SEM1: variants seen among roughly 807,000 people sequenced by gnomAD.
SEM1 encodes the protein 26S proteasome complex subunit SEM1.
A neutral mutation model predicts 12.7 loss-of-function variants in SEM1; 3 were observed. The ratio of observed to expected loss-of-function variants is 0.24; its 90% CI spans 0.11 to 0.61. The LOEUF (loss-of-function observed/expected upper bound fraction) is 0.61, where lower values mean the gene tolerates loss of function less well. SEM1 is among the 20% of genes least tolerant of loss of function. The probability of loss-of-function intolerance (pLI) is 0.88; values close to 1 mark genes in which losing one functional copy is unlikely to be tolerated. For missense variants in SEM1, 59 were observed against 81.3 expected (o/e 0.73, Z 1.06); for synonymous variants, 30 against 27.8 (o/e 1.08, Z -0.25).
At chr7:96,500,554 G>A (rs1280159834), upstream of SEM1, among the ~76,000 whole-genome samples, 2 of 152,108 alleles carry the variant, frequency 1.3e-5, no homozygotes, top group African/African-American at 4.8e-5. Context: ...CTGCACATAT[G>A]TGTCCACCTA....
chr7:96,502,357 C>T (rs776952961), intron 3 of SEM1, among the ~76,000 whole-genome samples: 11 of 152,016 alleles, frequency 7.2e-5, no homozygotes, highest in African/African-American at 9.7e-5. Flanking sequence ...TTAAACAAGG[C>T]CTTTGTTCAT....
chr7:96,694,277 T>C (rs1440179776), intron 2 of SEM1, among the ~76,000 whole-genome samples: 1 of 151,954 alleles, frequency 6.6e-6, no homozygotes, highest in Non-Finnish European at 1.5e-5. Flanking sequence ...GAGATGATGG[T>C]TGCACAATAT....
At chr7:96,675,467 T>G (rs1445084862) in intron 2 of SEM1, among the ~76,000 whole-genome samples, 1 of 152,174 alleles carries the variant, frequency 6.6e-6, no homozygotes, top group African/African-American at 2.4e-5. Flanking sequence ...GTATGGCAGC[T>G]ACAACTAGAT....
rs994035934 is a variant in SEM1, at chr7:96,698,195, TA to T, written c.77-3305del. On this transcript the variant is annotated intron_variant, in intron 1 of 2. Coordinates refer to ENST00000248566, the MANE Select transcript of SEM1 (RefSeq NM_006304.2). The stretch of plus-strand genomic sequence containing the variant: ...AAACCCAATTATTTTCATCAACAAT[TA>T]AAAAAAATATAAGTCTGGCAGAATG... Among the ~76,000 whole-genome samples, 404 of 152,030 alleles carry T rather than the reference TA, an allele frequency of 2.7e-3. 2 individuals are homozygous for T. Among genetic ancestry groups the T allele is most frequent in the Non-Finnish European group, 9.1e-4 (62 of 67,954 alleles).
chr7:96,574,854 C>T (rs899087949), intron 2 of SEM1, among the ~76,000 whole-genome samples: 1 of 152,174 alleles, frequency 6.6e-6, no homozygotes, highest in African/African-American at 2.4e-5. Context: ...TTCTAGTTAG[C>T]AATTCCTCTA....
chr7:96,553,273 C>T (rs1338916123), intron 2 of SEM1, among the ~76,000 whole-genome samples: 3 of 151,450 alleles, frequency 2.0e-5, no homozygotes, highest in Non-Finnish European at 2.9e-5. Flanking sequence ...CTTGCCCATG[C>T]CTATGTCCTG....
At chr7:96,553,987 T>G (rs1435160276) in intron 2 of SEM1, among the ~76,000 whole-genome samples, 2 of 151,168 alleles carry the variant, frequency 1.3e-5, no homozygotes, top group South Asian at 2.1e-4. Flanking sequence ...CATGATTTGG[T>G]TCTCTGTTTG....
intron 2 of SEM1, among the ~76,000 whole-genome samples, chr7:96,594,919 G>C (rs1370737323): frequency 6.6e-6 from 1 of 152,104 alleles, no homozygotes; most frequent in Non-Finnish European, 1.5e-5. Flanking sequence ...AACAAAAGGA[G>C]TAGTTTATTA....
chr7:96,486,312 C>G, exon 2 of SEM1: 2 of 1,537,158 alleles, frequency 1.3e-6, no homozygotes. Context: ...GGTCCTCTGG[C>G]CCGCTGAGCT....
chr7:96,564,304 A>G (rs943567756), intron 2 of SEM1, among the ~76,000 whole-genome samples: 3 of 152,038 alleles, frequency 2.0e-5, no homozygotes, highest in Non-Finnish European at 2.9e-5. Context: ...GAAAATCTCA[A>G]AAATACACCT....
At chr7:96,567,162 A>G (rs1018752519) in intron 2 of SEM1, among the ~76,000 whole-genome samples, 1 of 151,580 alleles carries the variant, frequency 6.6e-6, no homozygotes, top group African/African-American at 2.4e-5. Context: ...ATACAGAGAG[A>G]TTTGCTGCCT....
At chr7:96,651,938 C>T (rs1019955386) in intron 2 of SEM1, among the ~76,000 whole-genome samples, 2 of 152,172 alleles carry the variant, frequency 1.3e-5, no homozygotes, top group African/African-American at 4.8e-5. Flanking sequence ...CTGGAAATTA[C>T]TTTATTCAGA....
chr7:96,606,487 C>A (rs1344894476), intron 2 of SEM1, among the ~76,000 whole-genome samples: 1 of 152,136 alleles, frequency 6.6e-6, no homozygotes, highest in Non-Finnish European at 1.5e-5. Context: ...TGAGGCTATG[C>A]CCACCTTTTT....
chr7:96,614,846 A>T (rs1807658488), intron 2 of SEM1, among the ~76,000 whole-genome samples: 1 of 151,870 alleles, frequency 6.6e-6, no homozygotes, highest in Non-Finnish European at 1.5e-5. Context: ...ACATATGTGC[A>T]CACACACATA....
chr7:96,491,509 A>C (rs186046960), intron 1 of SEM1, among the ~76,000 whole-genome samples: 274 of 152,298 alleles, frequency 1.8e-3, no homozygotes, highest in Non-Finnish European at 3.3e-3. Context: ...TTTAGTCGTA[A>C]AGATTCGTTA....
At chr7:96,709,294 T>C (rs1790572297) in intron 1 of SEM1, among the ~76,000 whole-genome samples, 1 of 152,144 alleles carries the variant, frequency 6.6e-6, no homozygotes, top group Non-Finnish European at 1.5e-5. Flanking sequence ...CTACTGACAA[T>C]TCAATTCTGG....
intron 2 of SEM1, among the ~76,000 whole-genome samples, chr7:96,578,602 A>G (rs1303852879): frequency 6.6e-6 from 1 of 152,208 alleles, no homozygotes; most frequent in East Asian, 1.9e-4. Context: ...AATGATCCCT[A>G]AAAGAACTAA....
chr7:96,703,584 A>G (rs1790338507), intron 1 of SEM1, among the ~76,000 whole-genome samples: 1 of 152,184 alleles, frequency 6.6e-6, no homozygotes, highest in South Asian at 2.1e-4. Flanking sequence ...TAACAGAAAA[A>G]AAACAACAAA....
chr7:96,552,233 C>T (rs1016541852), intron 2 of SEM1, among the ~76,000 whole-genome samples: 4 of 151,912 alleles, frequency 2.6e-5, no homozygotes, highest in Non-Finnish European at 5.9e-5. Flanking sequence ...GGTACATGTG[C>T]ACATTGTGCA....
Sources: gnomAD v4.1 joint callset for allele counts (sites outside exome capture counted in the v4.1 genomes callset) on GRCh38, gnomAD v4.1.1 for gene constraint, MANE v1.5 for transcripts, NCBI Gene and HGNC (gene_info 2026-07-23, HGNC 2026-07-21) for gene names.